The following TENM3 variants were observed in gnomAD, a reference collection of about 807,000 sequenced individuals.
The protein encoded by TENM3 is teneurin-3.
Under a neutral mutation model 255.1 loss-of-function variants are expected in TENM3, and 63 were observed. The ratio of observed to expected loss-of-function variants is 0.25; its 90% CI spans 0.20 to 0.30. The LOEUF is 0.30. Ranked by LOEUF, TENM3 falls within the 10% of genes least tolerant of loss-of-function variation. TENM3 has a pLI of 1.00. For synonymous variants in TENM3, 1,306 were observed against 1,322.3 expected (o/e 0.99, Z 0.27); for missense variants, 2,929 against 3,461.1 (o/e 0.85, Z 3.86).
At chr4:181,552,211 T>C in the TENM3 span, among the ~76,000 whole-genome samples, 1 of 152,192 alleles carries the variant, frequency 6.6e-6, no homozygotes, top group Non-Finnish European at 1.5e-5. Flanking sequence ...CAAAAATGCT[T>C]ATGACATAAA....
chr4:181,746,180 A>G, the TENM3 span, among the ~76,000 whole-genome samples: 1 of 152,138 alleles, frequency 6.6e-6, no homozygotes, highest in Non-Finnish European at 1.5e-5. Context: ...GGGAGCATTA[A>G]CAATGGGCTG....
rs78734690 is a variant in TENM3 at position 182,388,162 on chromosome 4, C to T, written c.511+41233C>T. Among the ~76,000 whole-genome samples the T allele has an allele frequency of 9.8e-3, 1,496 of 152,206 alleles. 13 individuals carry two copies. Among genetic ancestry groups the T allele is most frequent in the African/African-American group, 0.032 (1,338 of 41,504 alleles). ...CTTTTCTCTGTAGCTGCCTCTTCCCCTTCATTCCCAGCTGCTTCCACTCTA... is the reference window on the plus strand; with the variant it reads ...CTTTTCTCTGTAGCTGCCTCTTCCCTTTCATTCCCAGCTGCTTCCACTCTA... On this transcript the variant is annotated intron_variant, in intron 3 of 27. Transcript: ENST00000511685.
At chr4:182,277,186 G>A (rs945865873) in intron 1 of TENM3, among the ~76,000 whole-genome samples, 4 of 152,196 alleles carry the variant, frequency 2.6e-5, no homozygotes, top group African/African-American at 9.6e-5. Flanking sequence ...CTGCAGTGTG[G>A]TCAGAATAAG....
chr4:182,492,200 C>A (rs1320418441), intron 3 of TENM3, among the ~76,000 whole-genome samples: 1 of 152,054 alleles, frequency 6.6e-6, no homozygotes. Context: ...TATTTGAAGC[C>A]ACGTTAGAAT....
At chr4:182,281,764 G>A (rs1233822147) in intron 1 of TENM3, among the ~76,000 whole-genome samples, 2 of 152,100 alleles carry the variant, frequency 1.3e-5, no homozygotes, top group East Asian at 3.8e-4. Context: ...TTCAGACGAA[G>A]TCTCACTGTT....
chr4:182,331,856 A>G (rs1027259878), intron 2 of TENM3, among the ~76,000 whole-genome samples: 1 of 152,252 alleles, frequency 6.6e-6, no homozygotes. Flanking sequence ...AGCTAAATTT[A>G]TAAGCAAAAA....
At chr4:181,515,776 T>C in the TENM3 span, among the ~76,000 whole-genome samples, 1 of 152,172 alleles carries the variant, frequency 6.6e-6, no homozygotes, top group Non-Finnish European at 1.5e-5. Flanking sequence ...GACATTGTTC[T>C]GAATCTCATA....
At chr4:182,449,139 CCGGTGAG>C (rs1477656671) in intron 3 of TENM3, 1 of 197,798 alleles carries the variant, frequency 5.1e-6, no homozygotes. Context: ...AGCGCGGCTC[CCGGTGAG>C]GCTCCCCGCG....
the TENM3 span, among the ~76,000 whole-genome samples, chr4:182,128,984 C>T: frequency 6.6e-6 from 1 of 151,964 alleles, no homozygotes; most frequent in African/African-American, 2.4e-5. Context: ...ATTCACATTC[C>T]AAAAAAATTT....
chr4:181,622,096 A>T, the TENM3 span, among the ~76,000 whole-genome samples: 11 of 152,304 alleles, frequency 7.2e-5, no homozygotes, highest in Admixed American at 2.6e-4. Flanking sequence ...ACACAGGATT[A>T]ATCCTCTGTC....
At chr4:181,454,891 G>A in the TENM3 span, among the ~76,000 whole-genome samples, 1 of 151,858 alleles carries the variant, frequency 6.6e-6, no homozygotes, top group African/African-American at 2.4e-5. Flanking sequence ...TTAAAGGTTT[G>A]TTTAAGTACA....
intron 4 of TENM3, among the ~76,000 whole-genome samples, chr4:182,606,381 A>G (rs1334322663): frequency 6.6e-6 from 1 of 151,876 alleles, no homozygotes; most frequent in African/African-American, 2.4e-5. Flanking sequence ...AAAATTAGCC[A>G]GGCGGGGTGG....
intron 3 of TENM3, among the ~76,000 whole-genome samples, chr4:182,486,727 C>G (rs984843496): frequency 3.3e-5 from 5 of 152,148 alleles, no homozygotes; most frequent in Middle Eastern, 3.2e-3. Context: ...GTCTTACCTT[C>G]TCAGACAAGG....
the TENM3 span, among the ~76,000 whole-genome samples, chr4:181,920,049 C>G: frequency 2.0e-3 from 305 of 152,000 alleles, 1 homozygote; most frequent in African/African-American, 6.9e-3. Flanking sequence ...CATGTCCCTA[C>G]AAAGGACATG....
chr4:181,872,458 T>C, the TENM3 span, among the ~76,000 whole-genome samples: 4,405 of 152,150 alleles, frequency 0.029, 219 homozygotes, highest in African/African-American at 0.099. Context: ...TTTTTCCTGA[T>C]CCTCCCCCTC....
At chr4:181,540,682 A>G in the TENM3 span, among the ~76,000 whole-genome samples, 1 of 152,294 alleles carries the variant, frequency 6.6e-6, no homozygotes, top group South Asian at 2.1e-4. Flanking sequence ...CTGAATCCCC[A>G]TAGTGAGACA....
At chr4:182,250,054 C>CTTTTTTTTTTTTT (rs957483629) in intron 1 of TENM3, among the ~76,000 whole-genome samples, 1 of 128,444 alleles carries the variant, frequency 7.8e-6, no homozygotes, top group African/African-American at 3.0e-5. Flanking sequence ...TTTCTTTTTT[C>CTTTTTTTTTTTTT]TTTTTTTTTT....
chr4:182,156,719 A>G (rs1750731364), intron 1 of TENM3, among the ~76,000 whole-genome samples: 1 of 152,234 alleles, frequency 6.6e-6, no homozygotes, highest in African/African-American at 2.4e-5. Flanking sequence ...CAATATAAAT[A>G]CAATAAATCT....
chr4:181,527,388 A>G, the TENM3 span, among the ~76,000 whole-genome samples: 1 of 151,946 alleles, frequency 6.6e-6, no homozygotes, highest in Non-Finnish European at 1.5e-5. Flanking sequence ...TTTTGTTTTG[A>G]GACAGAGTCT....
Sources: gnomAD v4.1 joint callset for allele counts (sites outside exome capture counted in the v4.1 genomes callset) on GRCh38, gnomAD v4.1.1 for gene constraint, MANE v1.5 for transcripts, NCBI Gene and HGNC (gene_info 2026-07-23, HGNC 2026-07-21) for gene names.